KCNQ1: variants seen among roughly 807,000 people sequenced by gnomAD.
The protein encoded by KCNQ1 is potassium voltage-gated channel subfamily KQT member 1.
In KCNQ1, 49 loss-of-function variants were observed where a neutral mutation model predicts 72.4. That is an observed-to-expected ratio of 0.68 (90% CI 0.54 to 0.86). The LOEUF is 0.86. KCNQ1 is among the 40% of genes least tolerant of loss of function. The pLI is 0.00. For synonymous variants in KCNQ1, 450 were observed against 412.6 expected, an observed-to-expected ratio of 1.09 and a Z score of -1.10; for missense variants, 790 against 945.1, an observed-to-expected ratio of 0.84 and a Z score of 2.15.
chr11:2,786,593 T>TA (rs397761657), intron 15 of KCNQ1, among the ~76,000 whole-genome samples: 1 of 151,808 alleles, frequency 6.6e-6, no homozygotes, highest in Non-Finnish European at 1.5e-5. Flanking sequence ...TTTTTTTTTT[T>TA]AAATCACTTT....
At chr11:2,681,257 G>A (rs1229842667) in intron 11 of KCNQ1, 1 of 398,456 alleles carries the variant, frequency 2.5e-6, no homozygotes, top group Non-Finnish European at 4.4e-6. Context: ...TGCCTCCCCA[G>A]GAGAGAGCTT....
In KCNQ1 at chr11:2,687,789, A is replaced by G. The variant is rs231353; in HGVS notation, c.1514+25708A>G. 0.44 allele frequency: 176,346 copies of G among 398,452 alleles called. 43,309 individuals are homozygous for G. Among genetic ancestry groups the G allele is most frequent in the East Asian group, 0.84 (23,572 of 28,042 alleles). The allele number at this position is 398,452 out of a possible 1,614,324, so 24.7% of individuals were successfully genotyped here. On this transcript the variant is annotated intron_variant, in intron 11 of 15. Transcript: ENST00000155840. This position sits in a 1 kb window ranked among gnomAD's most constrained non-coding sequence, Gnocchi z 5.0. ...CTTAGCAGGCCTAACCACACCCCTA[A>G]GCCACCCAGCCTGGCCCCCCTCCTC...
rs1001709612 is a variant in KCNQ1, at chr11:2,620,926, TTTG to T, written c.1393+32084_1393+32086del. 1.4e-3 allele frequency: 526 copies of T among 380,012 alleles called. No individual in the cohort carries two copies. The highest frequency in any genetic ancestry group is 0.01 in the African/African-American group (450 of 44,844). The allele number at this position is 380,012 out of a possible 1,614,324, so 23.5% of individuals were successfully genotyped here. A position where few individuals can be genotyped will look rare whatever the true frequency, so the allele number is the denominator to read the frequency against. ...GCATCCCATTATGGTTTGGTGTTTT[TTTG>T]TTGTTGTTGTTTTGTTTTGTTTTTT... On this transcript the variant is annotated intron_variant, in intron 10 of 15. Coordinates refer to ENST00000155840, the MANE Select transcript of KCNQ1 (RefSeq NM_000218.3). The surrounding 1 kb of genome is among the most constrained non-coding windows in gnomAD (Gnocchi z 4.5).
chr11:2,801,817 C>T (rs1393992118), intron 15 of KCNQ1, among the ~76,000 whole-genome samples: 1 of 152,212 alleles, frequency 6.6e-6, no homozygotes, highest in Non-Finnish European at 1.5e-5. Flanking sequence ...CTCTCAGGGC[C>T]ACGCCCACTG....
At chr11:2,774,606 C>T (rs553133110) in intron 12 of KCNQ1, among the ~76,000 whole-genome samples, 95 of 152,272 alleles carry the variant, frequency 6.2e-4, no homozygotes, top group Admixed American at 1.2e-3. Context: ...CAATGTTGGG[C>T]GGGCTGTAAG....
chr11:2,822,926 TAA>T (rs200997512), intron 15 of KCNQ1, among the ~76,000 whole-genome samples: 12 of 145,360 alleles, frequency 8.3e-5, no homozygotes, highest in African/African-American at 3.0e-4. Context: ...GCTGCTGAAT[TAA>T]AAAAAAAAAA....
In KCNQ1 at chr11:2,612,238, A is replaced by C; in HGVS notation, c.1393+23384A>C. ...CCTGTCTGATCAGTGATGGCATTAG[A>C]TTCTCACAGAGAGCAAATCCTATTG... On this transcript the variant is annotated intron_variant, in intron 10 of 15. Coordinates refer to ENST00000155840, the MANE Select transcript of KCNQ1 (RefSeq NM_000218.3). The surrounding 1 kb of genome is among the most constrained non-coding windows in gnomAD (Gnocchi z 5.5). The C allele has an allele frequency of 2.5e-6, 1 of 398,588 alleles. No homozygotes were observed. The highest frequency in any genetic ancestry group is 4.4e-6 in the Non-Finnish European group (1 of 226,076). 24.7% of individuals were successfully genotyped at this position (398,588 alleles called of 1,614,324 possible).
At chr11:2,776,176 AC>A (rs1564889196) in intron 13 of KCNQ1, 122 bp downstream of exon 13, 1 of 839,330 alleles carries the variant, frequency 1.2e-6, no homozygotes, top group Non-Finnish European at 1.9e-6. Flanking sequence ...CCTCTCAACC[AC>A]CCCCTTCTCC....
intron 2 of KCNQ1, among the ~76,000 whole-genome samples, chr11:2,534,195 CCT>C (rs1475889598): frequency 6.6e-6 from 1 of 152,232 alleles, no homozygotes; most frequent in East Asian, 1.9e-4. Flanking sequence ...CCTGGGCGGC[CCT>C]CTCTGTGGAA....
In KCNQ1 at chr11:2,762,324, C is replaced by T. The variant is rs1004097897; in HGVS notation, c.1515-6520C>T. 2.0e-5 allele frequency among the ~76,000 whole-genome samples: 3 copies of T among 152,162 alleles called. No homozygotes were observed. The highest frequency in any genetic ancestry group is 2.9e-5 in the Non-Finnish European group (2 of 68,038). On this transcript the variant is annotated intron_variant, in intron 11 of 15. Transcript: ENST00000155840. The surrounding 1 kb of genome is among the most constrained non-coding windows in gnomAD (Gnocchi z 4.3). The stretch of plus-strand genomic sequence containing the variant: ...CGTGAAAATATTATCCAACTTTCTT[C>T]GACAGGCCCGATTGCCTCATAGTTA...
intron 1 of KCNQ1, among the ~76,000 whole-genome samples, chr11:2,489,538 G>GC (rs1589908958): frequency 6.6e-6 from 1 of 151,716 alleles, no homozygotes; most frequent in East Asian, 1.9e-4. Flanking sequence ...AGTGGATGTG[G>GC]GGGGCACACA....
intron 15 of KCNQ1, among the ~76,000 whole-genome samples, chr11:2,841,436 T>C (rs1418438613): frequency 2.0e-5 from 3 of 151,958 alleles, no homozygotes; most frequent in African/African-American, 4.8e-5. Context: ...GTTGTGACAG[T>C]CCAGGCAGAA....
chr11:2,635,714 G>A (rs1456304837), intron 10 of KCNQ1: 1 of 152,108 alleles, frequency 6.6e-6, no homozygotes, highest in Non-Finnish European at 1.5e-5. Context: ...TTCCAATTCT[G>A]TGAAGAAAGT....
Position 2,588,565 on chromosome 11 carries a change from A to T in KCNQ1, c.1252-148A>T. 1 of 947,776 alleles carries T rather than the reference A, an allele frequency of 1.1e-6. No individual in the cohort carries two copies. The highest frequency in any genetic ancestry group is 1.6e-6 in the Non-Finnish European group (1 of 613,830). The allele number at this position is 947,776 out of a possible 1,614,324, so 58.7% of individuals were successfully genotyped here. On this transcript the variant is annotated intron_variant, in intron 9 of 15. Transcript: ENST00000155840. The surrounding 1 kb of genome is among the most constrained non-coding windows in gnomAD (Gnocchi z 5.6). ...CCCTGCCCTGTCTCTGTGTGAAGAC[A>T]CTGGAGCTGGCCCCAGGCCTCAGGT...
intron 10 of KCNQ1, chr11:2,631,403 T>C (rs1344661772): frequency 7.5e-6 from 3 of 398,478 alleles, no homozygotes; most frequent in Non-Finnish European, 1.3e-5. Flanking sequence ...TCATGCACTA[T>C]ATTCTTCACC....
chr11:2,796,393 G>A (rs1847131503), intron 15 of KCNQ1, among the ~76,000 whole-genome samples: 1 of 152,208 alleles, frequency 6.6e-6, no homozygotes, highest in African/African-American at 2.4e-5. Flanking sequence ...GGCATTGATG[G>A]CAGGGTGGCA....
At chr11:2,448,805 C>T (rs986626689) in intron 1 of KCNQ1, among the ~76,000 whole-genome samples, 3 of 152,246 alleles carry the variant, frequency 2.0e-5, no homozygotes, top group South Asian at 2.1e-4. Context: ...TGTCTGGGGT[C>T]CCCTCACCTA....
chr11:2,734,441 G>A lies in KCNQ1; in HGVS notation c.1515-34403G>A, dbSNP rs537679107. Among the ~76,000 whole-genome samples the A allele has an allele frequency of 6.6e-6, 1 of 152,318 alleles. No individual in the cohort carries two copies. Among genetic ancestry groups the A allele is most frequent in the African/African-American group, 2.4e-5 (1 of 41,576 alleles). On this transcript the variant is annotated intron_variant, in intron 11 of 15. Coordinates refer to ENST00000155840, the MANE Select transcript of KCNQ1 (RefSeq NM_000218.3). The surrounding 1 kb of genome is among the most constrained non-coding windows in gnomAD (Gnocchi z 7.0). Reference sequence around the variant, plus strand: ...GGGGGAGCACTGTCCCCGGGGCCCCGCAGCCAGCTGTGCTGGGCAAGGCAG... The same window carrying A: ...GGGGGAGCACTGTCCCCGGGGCCCCACAGCCAGCTGTGCTGGGCAAGGCAG...
At chr11:2,643,605 G>C (rs745476555) in intron 10 of KCNQ1, 12 of 398,328 alleles carry the variant, frequency 3.0e-5, no homozygotes, top group Middle Eastern at 6.2e-4. Flanking sequence ...AGTCCATTCA[G>C]CCAGTCTGTC....
Sources: allele counts gnomAD v4.1 joint callset (sites outside exome capture counted in the v4.1 genomes callset), GRCh38; gene constraint gnomAD v4.1.1; non-coding constraint Gnocchi (gnomAD v3.1); transcripts MANE v1.5; gene names NCBI Gene and HGNC (gene_info 2026-07-23, HGNC 2026-07-21).